FGD2: variants seen among roughly 807,000 people sequenced by gnomAD.
FGD2 encodes the protein FYVE, RhoGEF and PH domain containing 2.
In FGD2, 52 loss-of-function variants were observed where a neutral mutation model predicts 75.9. That is an observed-to-expected ratio of 0.69 (90% CI 0.55 to 0.86). FGD2 has a LOEUF of 0.86. Among genes scored for constraint, FGD2 ranks in the 40% least tolerant of loss-of-function variants. The pLI is 0.00. For synonymous variants in FGD2, 347 were observed against 348.6 expected, an observed-to-expected ratio of 1.00 and a Z score of 0.05; for missense variants, 790 against 872.0, an observed-to-expected ratio of 0.91 and a Z score of 1.18.
rs374182581 is a variant in FGD2 at position 37,028,176 on chromosome 6, C to A, written c.*13C>A. 2 of 1,536,930 alleles carry A rather than the reference C, an allele frequency of 1.3e-6. No individual in the cohort carries two copies. The highest frequency in any genetic ancestry group is 1.8e-6 in the Non-Finnish European group (2 of 1,139,910). ...CCTGTCCGACTGAGCCACTGCCAGC[C>A]GCTCTCCTGCCCACCTCTCCCCACC... On this transcript the variant is annotated 3_prime_UTR_variant, in exon 16 of 16. Coordinates refer to ENST00000274963, the MANE Select transcript of FGD2 (RefSeq NM_173558.4).
At chr6:37,013,419 G>A (rs562346114) in intron 4 of FGD2, 190 bp from the exon 5 acceptor site, 78 of 1,396,150 alleles carry the variant, frequency 5.6e-5, no homozygotes, top group Non-Finnish European at 6.9e-5. Context: ...ACAGCCTTTG[G>A]CCTCAGGAGG....
rs1764719972 is a variant in FGD2, at chr6:37,005,774, C to T, written c.-44C>T. ...GAGTGTGCTGGCTGGAGGCCTCTCT[C>T]TCTGCTTCGAGGGTAGCTGAGATCC... is the stretch of plus-strand genomic sequence containing the variant. On this transcript the variant is annotated 5_prime_UTR_variant, in exon 1 of 16. Coordinates refer to ENST00000274963, the MANE Select transcript of FGD2 (RefSeq NM_173558.4). The T allele has an allele frequency of 6.2e-7, 1 of 1,607,894 alleles. No individual in the cohort carries two copies. The highest frequency in any genetic ancestry group is 8.5e-7 in the Non-Finnish European group (1 of 1,176,768).
intron 2 of FGD2, among the ~76,000 whole-genome samples, chr6:37,010,472 G>T (rs149025208): frequency 6.6e-6 from 1 of 152,224 alleles, no homozygotes; most frequent in African/African-American, 2.4e-5. Flanking sequence ...TTTGGTTGGC[G>T]GACGCAGTTT....
In FGD2 at chr6:37,020,633, G is replaced by A; in HGVS notation, c.1202+13G>A. 6.3e-7 allele frequency: 1 copy of A among 1,596,614 alleles called. No homozygotes were observed. Among genetic ancestry groups the A allele is most frequent in the Non-Finnish European group, 8.5e-7 (1 of 1,171,340 alleles). ...AGCTGCAAGCCCGGTAAAGGAGCTG[G>A]GGTGGCGGCCCAGGGCCAGGCGGGA... On this transcript the variant is annotated intron_variant, in intron 10 of 15. Coordinates refer to ENST00000274963, the MANE Select transcript of FGD2 (RefSeq NM_173558.4).
At chr6:37,014,173 C>A in intron 6 of FGD2, 73 bp downstream of exon 6, 1 of 1,526,566 alleles carries the variant, frequency 6.6e-7, no homozygotes, top group Non-Finnish European at 8.8e-7. Context: ...TGAGCTCCTG[C>A]TAAAATGGTT....
At chr6:37,009,271 C>T (rs1184599485) in intron 2 of FGD2, 4 of 535,798 alleles carry the variant, frequency 7.5e-6, no homozygotes, top group Non-Finnish European at 1.3e-5. Context: ...TGGATTACTT[C>T]GCGAGTCCCT....
Position 37,010,843 on chromosome 6 carries a change from C to T in FGD2, c.301-130C>T, listed in dbSNP as rs1299183021. ...CCCCAGGGCCGGCCCAGATGCACTG[C>T]GGGAGGCCATGAATCCCGGGAGGCA... On this transcript the variant is annotated intron_variant, in intron 2 of 15. Coordinates refer to ENST00000274963, the MANE Select transcript of FGD2 (RefSeq NM_173558.4). The T allele has an allele frequency of 1.0e-4, 84 of 829,386 alleles. 1 individual carries two copies. The highest frequency in any genetic ancestry group is 8.8e-4 in the South Asian group (57 of 64,940). 51.4% of individuals were successfully genotyped at this position (829,386 alleles called of 1,614,324 possible). A position where few individuals can be genotyped will look rare whatever the true frequency, so the allele number is the denominator to read the frequency against.
In FGD2 at chr6:37,013,919, C is replaced by T. The variant is rs193149955; in HGVS notation, c.685-43C>T. ...CTCAGGAGCAGCCTGACCCACCTCCCTTCTCTCACCCTCTCCGTGTTGCTC... is the reference window on the plus strand; with the variant it reads ...CTCAGGAGCAGCCTGACCCACCTCCTTTCTCTCACCCTCTCCGTGTTGCTC... On this transcript the variant is annotated intron_variant, in intron 5 of 15. Coordinates refer to ENST00000274963, the MANE Select transcript of FGD2 (RefSeq NM_173558.4). 1.3e-3 allele frequency: 2,101 copies of T among 1,601,050 alleles called. 49 individuals carry two copies. In the Admixed American group the frequency reaches 0.032, roughly 24 times the overall value.
At chr6:37,007,824 C>T (rs1005172410) in intron 1 of FGD2, among the ~76,000 whole-genome samples, 5 of 152,164 alleles carry the variant, frequency 3.3e-5, no homozygotes, top group African/African-American at 1.2e-4. Context: ...GACTGGGGTG[C>T]CAGGGAGGGG....
intron 15 of FGD2, 161 bp from the exon 16 acceptor site, chr6:37,027,787 A>C: frequency 9.8e-7 from 1 of 1,016,926 alleles, no homozygotes; most frequent in Non-Finnish European, 1.4e-6. Flanking sequence ...AGAGGCAGCC[A>C]GTTCTTCTGT....
chr6:37,013,627 C>T lies in FGD2; in HGVS notation c.546C>T (p.Ile182=), dbSNP rs140941536. The T allele has an allele frequency of 1.2e-5, 19 of 1,613,860 alleles. No individual in the cohort carries two copies. In the African/African-American group the frequency reaches 1.3e-4, roughly 11 times the overall value. ...CCTGCAGGACAGCTAACCCCCGCAT[C>T]GGTGACGTGATCCAGAAGCTGGCCC... ...RLDDWTANPR[I]GDVIQKLAPF... The change falls in exon 5 of 16, where the codon ATC becomes ATT. Residue 182 remains isoleucine (I), a synonymous_variant. Coordinates refer to ENST00000274963, the MANE Select transcript of FGD2 (RefSeq NM_173558.4).
At chr6:37,007,234 T>C (rs1056118870) in intron 1 of FGD2, among the ~76,000 whole-genome samples, 7 of 152,160 alleles carry the variant, frequency 4.6e-5, no homozygotes, top group African/African-American at 1.2e-4. Flanking sequence ...GGATGCTGTA[T>C]TGAGGGCACT....
intron 14 of FGD2, chr6:37,026,332 C>A (rs1026411474): frequency 1.0e-6 from 1 of 985,450 alleles, no homozygotes. Flanking sequence ...CCAGGTCAGA[C>A]AGATTGGAGA....
chr6:37,020,517 T>C (rs1310088321), intron 9 of FGD2, 24 bp from the exon 10 acceptor site: 2 of 1,590,664 alleles, frequency 1.3e-6, no homozygotes, highest in Non-Finnish European at 1.7e-6. Context: ...GAGTCTGAAC[T>C]GGTTGCCTCC....
chr6:37,009,392 TGGG>T (rs1764904092), intron 2 of FGD2: 1 of 247,732 alleles, frequency 4.0e-6, no homozygotes, highest in Non-Finnish European at 7.9e-6. Flanking sequence ...TCTTCTCAGG[TGGG>T]GCCTCAGTTT....
chr6:37,021,661 C>A, intron 12 of FGD2, 57 bp downstream of exon 12: 3 of 1,472,860 alleles, frequency 2.0e-6, no homozygotes, highest in Non-Finnish European at 2.8e-6. Flanking sequence ...AGAGCTTGTT[C>A]CCTCTCTGTT....
In FGD2 at chr6:37,015,045, G is replaced by C. The variant is rs552782894; in HGVS notation, c.1029+7G>C. 6.2e-7 allele frequency: 1 copy of C among 1,611,370 alleles called. No individual in the cohort carries two copies. Among genetic ancestry groups the C allele is most frequent in the South Asian group, 1.1e-5 (1 of 90,754 alleles). On this transcript the variant is annotated splice_region_variant and intron_variant, in intron 8 of 15. Transcript: ENST00000274963. ...GGAGCGCTACCTTTTCTTGGTAAGA[G>C]GGTGCTGGGAGCTCCTCTCCACACT...
At chr6:37,021,409 TG>T in intron 11 of FGD2, 102 bp from the exon 12 acceptor site, 2 of 996,332 alleles carry the variant, frequency 2.0e-6, no homozygotes, top group Non-Finnish European at 1.5e-6. Flanking sequence ...TGGTACCCAG[TG>T]GGCTTTCAGC....
In FGD2 at chr6:37,005,903, G is replaced by C; in HGVS notation, c.68+18G>C. On this transcript the variant is annotated intron_variant, in intron 1 of 15. Transcript: ENST00000274963. The stretch of plus-strand genomic sequence containing the variant: ...AATAGCAGGTATGGGCAGCTGGGGT[G>C]GGAGGGTCACCATGGTGGGCTGGCA... The C allele has an allele frequency of 6.2e-7, 1 of 1,612,300 alleles. No homozygotes were observed.
Sources: allele counts gnomAD v4.1 joint callset (sites outside exome capture counted in the v4.1 genomes callset), GRCh38; gene constraint gnomAD v4.1.1; transcripts MANE v1.5; gene names NCBI Gene and HGNC (gene_info 2026-07-23, HGNC 2026-07-21).